NOL10: variants seen among roughly 807,000 people sequenced by gnomAD.
The protein encoded by NOL10 is nucleolar protein 10.
Under a neutral mutation model 103.5 loss-of-function variants are expected in NOL10, and 58 were observed. The ratio of observed to expected loss-of-function variants is 0.56; its 90% CI spans 0.45 to 0.70. The LOEUF is 0.70. NOL10 is among the 30% of genes least tolerant of loss of function. The pLI is 0.00. For missense variants in NOL10, 763 were observed against 807.3 expected, an observed-to-expected ratio of 0.95 and a Z score of 0.67; for synonymous variants, 287 against 282.5, an observed-to-expected ratio of 1.02 and a Z score of -0.16.
chr2:10,589,346 T>C, intron 18 of NOL10, 56 bp from the exon 19 acceptor site: 1 of 1,597,620 alleles, frequency 6.3e-7, no homozygotes, highest in Non-Finnish European at 8.5e-7. Flanking sequence ...CACAGACCCC[T>C]TGGTTTCTCT....
intron 3 of NOL10, 38 bp from the exon 4 acceptor site, chr2:10,675,909 A>C: frequency 8.8e-7 from 1 of 1,133,454 alleles, no homozygotes; most frequent in Non-Finnish European, 1.3e-6. Context: ...CTAAAGACAT[A>C]CTTTCATAGT....
chr2:10,687,619 A>G (rs1182137557), intron 1 of NOL10, among the ~76,000 whole-genome samples: 2 of 152,164 alleles, frequency 1.3e-5, no homozygotes, highest in East Asian at 1.9e-4. Flanking sequence ...ACTACTCAAC[A>G]TCTCCATTTG....
chr2:10,669,870 G>A (rs1029065155), intron 6 of NOL10, among the ~76,000 whole-genome samples: 4 of 151,280 alleles, frequency 2.6e-5, no homozygotes, highest in Admixed American at 6.6e-5. Context: ...CCAGCCTGGC[G>A]ACAGAGCGAG....
At chr2:10,590,322 G>A (rs931749118) in intron 17 of NOL10, among the ~76,000 whole-genome samples, 1 of 152,152 alleles carries the variant, frequency 6.6e-6, no homozygotes, top group African/African-American at 2.4e-5. Flanking sequence ...GCCCAGGATG[G>A]TCTTGAATTC....
At chr2:10,669,101 T>C (rs996440320) in intron 6 of NOL10, among the ~76,000 whole-genome samples, 9 of 152,150 alleles carry the variant, frequency 5.9e-5, no homozygotes, top group African/African-American at 2.2e-4. Context: ...TTTTTGTTTT[T>C]TTGTTTTTGA....
chr2:10,581,342 G>A (rs964130565), intron 19 of NOL10, among the ~76,000 whole-genome samples: 1 of 152,130 alleles, frequency 6.6e-6, no homozygotes, highest in African/African-American at 2.4e-5. Flanking sequence ...ACTTGTCCGT[G>A]TGCATACACA....
At chr2:10,650,784 G>A (rs1293607186) in intron 12 of NOL10, among the ~76,000 whole-genome samples, 1 of 152,042 alleles carries the variant, frequency 6.6e-6, no homozygotes, top group Non-Finnish European at 1.5e-5. Context: ...CAGACCAGGC[G>A]AAAAAATAAA....
intron 3 of NOL10, among the ~76,000 whole-genome samples, chr2:10,678,707 A>C (rs1681502774): frequency 6.6e-6 from 1 of 152,200 alleles, no homozygotes; most frequent in Non-Finnish European, 1.5e-5. Flanking sequence ...AGAACACCAA[A>C]GGGAATCTGA....
intron 17 of NOL10, among the ~76,000 whole-genome samples, chr2:10,592,364 G>C (rs1675433839): frequency 6.6e-6 from 1 of 152,128 alleles, no homozygotes; most frequent in Admixed American, 6.5e-5. Context: ...AAAAACGCAG[G>C]GGTGGAGTAA....
At chr2:10,667,971 A>G (rs1680664110) in intron 7 of NOL10, among the ~76,000 whole-genome samples, 1 of 152,220 alleles carries the variant, frequency 6.6e-6, no homozygotes, top group South Asian at 2.1e-4. Flanking sequence ...AGCTCTTCAT[A>G]TACACAATGA....
intron 5 of NOL10, among the ~76,000 whole-genome samples, chr2:10,673,015 T>A (rs909894387): frequency 1.3e-5 from 2 of 151,976 alleles, no homozygotes; most frequent in Non-Finnish European, 2.9e-5. Flanking sequence ...AGTTGAAAGA[T>A]GGACTAATGG....
At chr2:10,596,221 C>T (rs919749154) in intron 17 of NOL10, among the ~76,000 whole-genome samples, 5 of 115,968 alleles carry the variant, frequency 4.3e-5, no homozygotes, top group African/African-American at 1.4e-4. Flanking sequence ...GCACCAGGGA[C>T]TAGTTTCGGA....
Position 10,589,090 on chromosome 2 carries a change from T to C in NOL10, c.1797A>G (p.Glu599=), listed in dbSNP as rs144219590. The change falls in exon 19 of 21, where the codon GAA becomes GAG. Residue 599 remains glutamate (E), a synonymous_variant. Transcript: ENST00000381685. ...CAGAATCTTTGAAGCTTCTAAATTC[T>C]TCTCCTGCTTTGATCTCATAAAACT... is the stretch of plus-strand genomic sequence containing the variant. ...KPQFYEIKAG[E]EFRSFKDSAT... The C allele has an allele frequency of 4.8e-4, 771 of 1,613,936 alleles. 4 individuals carry two copies. The highest frequency in any genetic ancestry group is 3.5e-4 in the Non-Finnish European group (414 of 1,179,904).
intron 17 of NOL10, among the ~76,000 whole-genome samples, chr2:10,595,405 G>A (rs554746247): frequency 6.6e-6 from 1 of 152,082 alleles, no homozygotes; most frequent in East Asian, 1.9e-4. Context: ...GGCCTTGCAG[G>A]GAGATCCTCC....
intron 13 of NOL10, among the ~76,000 whole-genome samples, chr2:10,609,510 G>T: frequency 6.6e-6 from 1 of 151,824 alleles, no homozygotes. Flanking sequence ...TGAGGCAGGA[G>T]AATGGCATGA....
In NOL10 at chr2:10,659,154, C is replaced by T. The variant is rs367993193; in HGVS notation, c.756+18G>A. On this transcript the variant is annotated intron_variant, in intron 10 of 20. Coordinates refer to ENST00000381685, the MANE Select transcript of NOL10 (RefSeq NM_024894.4). ...GAAATACCAACTTACATGTGGTTTCCAAATTAAACATATTTACCTGCCCTG... is the reference window on the plus strand; with the variant it reads ...GAAATACCAACTTACATGTGGTTTCTAAATTAAACATATTTACCTGCCCTG... 63 of 1,562,944 alleles carry T rather than the reference C, an allele frequency of 4.0e-5. No individual in the cohort carries two copies. Among genetic ancestry groups the T allele is most frequent in the Non-Finnish European group, 5.2e-5 (60 of 1,144,172 alleles).
At chr2:10,644,799 G>A (rs973062186) in intron 12 of NOL10, among the ~76,000 whole-genome samples, 1 of 152,098 alleles carries the variant, frequency 6.6e-6, no homozygotes, top group African/African-American at 2.4e-5. Context: ...ATAACTTTCC[G>A]GCATTCAATA....
intron 9 of NOL10, among the ~76,000 whole-genome samples, chr2:10,662,049 G>A (rs990652862): frequency 6.6e-6 from 1 of 152,032 alleles, no homozygotes; most frequent in Non-Finnish European, 1.5e-5. Context: ...CCACTGACAG[G>A]CGCATTTGGA....
intron 12 of NOL10, among the ~76,000 whole-genome samples, chr2:10,650,491 T>C (rs184765235): frequency 1.3e-5 from 2 of 152,304 alleles, no homozygotes; most frequent in Admixed American, 1.3e-4. Context: ...AAATAAGTGT[T>C]TTGGGCGTTT....
Sources: allele counts gnomAD v4.1 joint callset (sites outside exome capture counted in the v4.1 genomes callset), GRCh38; gene constraint gnomAD v4.1.1; transcripts MANE v1.5; gene names NCBI Gene and HGNC (gene_info 2026-07-23, HGNC 2026-07-21).